The following ETS1 variants were observed in gnomAD, a reference collection of about 807,000 sequenced individuals.
The protein encoded by ETS1 is ETS proto-oncogene 1, transcription factor, also known as protein C-ets-1.
A neutral mutation model predicts 58.6 loss-of-function variants in ETS1; 15 were observed. That is an observed-to-expected ratio of 0.26 (90% CI 0.17 to 0.39). The LOEUF is 0.39. Among genes scored for constraint, ETS1 ranks in the 10% least tolerant of loss-of-function variants. The pLI, the probability that ETS1 is intolerant of heterozygous loss-of-function variation, is 1.00. For synonymous variants in ETS1, 214 were observed against 218.2 expected (o/e 0.98, Z 0.17); for missense variants, 417 against 610.5 (o/e 0.68, Z 3.34).
intron 7 of ETS1, 27 bp from the exon 8 acceptor site, chr11:128,480,478 A>G: frequency 6.4e-7 from 1 of 1,554,854 alleles, no homozygotes; most frequent in Non-Finnish European, 8.9e-7. Context: ...AGGTAGGAAG[A>G]GGACAGGGGG....
At chr11:128,506,872 G>A (rs1461800617) in intron 3 of ETS1, among the ~76,000 whole-genome samples, 1 of 152,134 alleles carries the variant, frequency 6.6e-6, no homozygotes, top group Non-Finnish European at 1.5e-5. Context: ...AATCCCTCAA[G>A]TTCCCTACCC....
chr11:128,473,473 G>A (rs1234533245), intron 8 of ETS1, among the ~76,000 whole-genome samples: 1 of 152,246 alleles, frequency 6.6e-6, no homozygotes, highest in Admixed American at 6.5e-5. Context: ...TTGCAGATGA[G>A]AAAACAGATA....
chr11:128,543,436 T>C (rs556156389), intron 3 of ETS1, among the ~76,000 whole-genome samples: 68 of 152,238 alleles, frequency 4.5e-4, no homozygotes, highest in African/African-American at 1.5e-3. Flanking sequence ...CATTCTGACA[T>C]AGACATTGGG....
intron 3 of ETS1, chr11:128,526,473 T>C (rs1863803516): frequency 1.2e-5 from 2 of 164,682 alleles, no homozygotes; most frequent in East Asian, 1.9e-4. Context: ...TTGATTATTG[T>C]TATTAAGATC....
intron 3 of ETS1, among the ~76,000 whole-genome samples, chr11:128,504,511 G>A (rs1863178734): frequency 6.6e-6 from 1 of 152,244 alleles, no homozygotes; most frequent in South Asian, 2.1e-4. Flanking sequence ...AGAGAAGGAG[G>A]AGCCAAGCTC....
chr11:128,542,128 C>T (rs963174956), intron 3 of ETS1, among the ~76,000 whole-genome samples: 17 of 152,252 alleles, frequency 1.1e-4, no homozygotes, highest in African/African-American at 3.9e-4. Context: ...CCCCCTACAC[C>T]TTCTATTCAC....
chr11:128,488,447 C>A (rs1459416302), intron 5 of ETS1, among the ~76,000 whole-genome samples: 1 of 152,034 alleles, frequency 6.6e-6, no homozygotes, highest in East Asian at 1.9e-4. Context: ...GAGTTTTGCT[C>A]CCCTCCCCCA....
chr11:128,496,569 G>A (rs999170066), intron 3 of ETS1, among the ~76,000 whole-genome samples: 2 of 152,114 alleles, frequency 1.3e-5, no homozygotes, highest in Admixed American at 6.5e-5. Flanking sequence ...CCACACTGAC[G>A]GCTCTGCTTC....
At chr11:128,488,926 GAAAACA>G (rs550846811) in intron 5 of ETS1, among the ~76,000 whole-genome samples, 38 of 152,178 alleles carry the variant, frequency 2.5e-4, no homozygotes, top group African/African-American at 7.2e-4. Context: ...TAAGATTGCA[GAAAACA>G]AAAACAAAAA....
chr11:128,554,048 C>T (rs1041135823), intron 3 of ETS1, among the ~76,000 whole-genome samples: 2 of 152,182 alleles, frequency 1.3e-5, no homozygotes, highest in African/African-American at 4.8e-5. Context: ...CATCTCCCTT[C>T]CCTATAACCC....
chr11:128,469,225 G>T (rs1031886364), intron 8 of ETS1, among the ~76,000 whole-genome samples: 1 of 152,086 alleles, frequency 6.6e-6, no homozygotes, highest in East Asian at 1.9e-4. Flanking sequence ...CAAATACCTC[G>T]GTGTGGGCAG....
rs1182567869 is a variant in ETS1, at chr11:128,462,529, A to G, written c.1290T>C (p.Tyr430=). ...AGCGTAGGCCACGGCTCAGTTTCTC[A>G]TAATTCATCTTAGGTTTGTTTTTCC... ...GKRKNKPKMN[Y]EKLSRGLRYY... Residue 430 remains tyrosine, a synonymous_variant, in exon 10 of 10, where the codon TAT becomes TAC. Coordinates refer to ENST00000392668, the MANE Select transcript of ETS1 (RefSeq NM_001143820.2). 5 of 1,614,050 alleles carry G rather than the reference A, an allele frequency of 3.1e-6. No individual in the cohort carries two copies. The African/African-American group carries it at 4.0e-5, about 13-fold the overall frequency.
chr11:128,492,995 G>A (rs993399584), intron 3 of ETS1, among the ~76,000 whole-genome samples: 2 of 152,196 alleles, frequency 1.3e-5, no homozygotes, highest in Admixed American at 6.5e-5. Context: ...AACTTGAACT[G>A]TGTGGGTTTT....
chr11:128,489,279 C>T lies in ETS1; in HGVS notation c.535+11G>A. 6.2e-7 allele frequency: 1 copy of T among 1,612,472 alleles called. No individual in the cohort carries two copies. The highest frequency in any genetic ancestry group is 2.2e-5 in the East Asian group (1 of 44,854). ...CATAACCTCCACCTCTCTCTGTTTCCACATATTTACCTTTCTGCAGGATCT... is the reference window on the plus strand; with the variant it reads ...CATAACCTCCACCTCTCTCTGTTTCTACATATTTACCTTTCTGCAGGATCT... On this transcript the variant is annotated intron_variant, in intron 5 of 9. Coordinates refer to ENST00000392668, the MANE Select transcript of ETS1 (RefSeq NM_001143820.2).
chr11:128,521,432 G>C (rs1336314983), intron 3 of ETS1, among the ~76,000 whole-genome samples: 2 of 152,134 alleles, frequency 1.3e-5, no homozygotes, highest in Non-Finnish European at 2.9e-5. Context: ...AGGGACGCTT[G>C]GGGAGGCAAG....
At chr11:128,536,029 A>G (rs188353601) in intron 3 of ETS1, among the ~76,000 whole-genome samples, 16 of 152,344 alleles carry the variant, frequency 1.1e-4, no homozygotes, top group Non-Finnish European at 1.6e-4. Context: ...AAGCTGTAAA[A>G]TTAGACTCTG....
At chr11:128,551,142 A>T (rs1864221988) in intron 3 of ETS1, among the ~76,000 whole-genome samples, 1 of 152,246 alleles carries the variant, frequency 6.6e-6, no homozygotes, top group African/African-American at 2.4e-5. Flanking sequence ...AGAGGGGTGC[A>T]GCAGATGATA....
intron 3 of ETS1, among the ~76,000 whole-genome samples, chr11:128,511,880 A>G (rs1489935209): frequency 6.6e-6 from 1 of 152,226 alleles, no homozygotes; most frequent in Non-Finnish European, 1.5e-5. Flanking sequence ...GTAACTTGGC[A>G]TCGGTGCACT....
At chr11:128,499,044 C>T (rs1480519909) in intron 3 of ETS1, among the ~76,000 whole-genome samples, 2 of 152,180 alleles carry the variant, frequency 1.3e-5, no homozygotes, top group African/African-American at 4.8e-5. Flanking sequence ...AACCACATTG[C>T]ATCCTATTGG....
Sources: allele counts gnomAD v4.1 joint callset (sites outside exome capture counted in the v4.1 genomes callset), GRCh38; gene constraint gnomAD v4.1.1; transcripts MANE v1.5; gene names NCBI Gene and HGNC (gene_info 2026-07-23, HGNC 2026-07-21).